TEX14: variants seen among roughly 807,000 people sequenced by gnomAD.
TEX14 encodes testis expressed 14, intercellular bridge forming factor.
TEX14 carries 168 observed loss-of-function variants against 178.6 expected under a neutral mutation model. That is an observed-to-expected ratio of 0.94 (90% CI 0.83 to 1.07). The LOEUF is 1.07. Ranked by LOEUF, TEX14 falls within the 50% of genes least tolerant of loss-of-function variation. The pLI is 0.00. For synonymous variants in TEX14, 626 were observed against 634.1 expected (o/e 0.99, Z 0.19); for missense variants, 1,730 against 1,753.6 (o/e 0.99, Z 0.24).
chr17:58,641,981 G>A (rs2046586613), intron 2 of TEX14, among the ~76,000 whole-genome samples: 1 of 152,132 alleles, frequency 6.6e-6, no homozygotes, highest in Non-Finnish European at 1.5e-5. Flanking sequence ...GTTCTTTCTG[G>A]TAAGCCGAAG....
At chr17:58,588,146 C>A in intron 15 of TEX14, 125 bp from the exon 16 acceptor site, 1 of 615,492 alleles carries the variant, frequency 1.6e-6, no homozygotes, top group Non-Finnish European at 2.9e-6. Flanking sequence ...GCAGTTGAAG[C>A]GCAGTTTCAC....
chr17:58,570,450 G>C lies in TEX14; in HGVS notation c.3752C>G (p.Pro1251Arg), dbSNP rs778444647. 1 of 1,524,026 alleles carries C rather than the reference G, an allele frequency of 6.6e-7. No homozygotes were observed. Among genetic ancestry groups the C allele is most frequent in the Non-Finnish European group, 8.7e-7 (1 of 1,148,574 alleles). 94.4% of individuals were successfully genotyped at this position (1,524,026 alleles called of 1,614,324 possible). ...TGAGTCACATGCCTTAACAAGGCTG[G>C]GGGATCCAGCCCCAATAAATGAAGA... ...RLSSFIGAGSPSLVKACDSSP... is the reference protein window; with the variant it reads ...RLSSFIGAGSRSLVKACDSSP... Residue 1251 changes from proline to arginine, a missense_variant, in exon 25 of 32, where the codon CCC (proline) becomes CGC (arginine). Transcript: ENST00000349033.
intron 1 of TEX14, among the ~76,000 whole-genome samples, chr17:58,690,364 C>T (rs1023542224): frequency 7.2e-5 from 11 of 152,048 alleles, no homozygotes; most frequent in Admixed American, 3.3e-4. Flanking sequence ...TGGGGTTTTG[C>T]CCTGTTGCCC....
intron 2 of TEX14, chr17:58,631,652 T>C (rs151241519): frequency 3.4e-5 from 5 of 148,194 alleles, no homozygotes; most frequent in Non-Finnish European, 7.4e-5. Flanking sequence ...CTACTCAGAC[T>C]GCCTTCTCTA....
intron 2 of TEX14, among the ~76,000 whole-genome samples, chr17:58,646,311 C>T (rs916937995): frequency 8.5e-5 from 13 of 152,192 alleles, no homozygotes; most frequent in African/African-American, 3.1e-4. Flanking sequence ...GGAGTTTTTA[C>T]ATCGAACCAA....
Position 58,597,465 on chromosome 17 carries a change from T to C in TEX14, c.2469+1411A>G, listed in dbSNP as rs183069659. On this transcript the variant is annotated intron_variant, in intron 14 of 31. Transcript: ENST00000349033. ...TCTTAAGCGGAGAATTCTAAAACAG[T>C]AACAAAACCCAGTAAAAGTTGGCCT... Among the ~76,000 whole-genome samples, 9 of 152,140 alleles carry C rather than the reference T, an allele frequency of 5.9e-5. No homozygotes were observed. In the East Asian group the frequency reaches 1.7e-3, roughly 29 times the overall value.
intron 28 of TEX14, among the ~76,000 whole-genome samples, chr17:58,563,644 TATATATATATATATAGAGAGAGAG>T (rs1472408708): frequency 6.2e-5 from 2 of 32,460 alleles, no homozygotes; most frequent in African/African-American, 3.0e-4. Context: ...TATATATATA[TATATATATATATATAGAGAGAGAG>T]AGAGAGAGAG....
chr17:58,595,544 C>G (rs746923912), intron 14 of TEX14, among the ~76,000 whole-genome samples: 1 of 152,230 alleles, frequency 6.6e-6, no homozygotes, highest in Non-Finnish European at 1.5e-5. Context: ...GTGGTTTTAG[C>G]TTTCACTTGC....
intron 13 of TEX14, among the ~76,000 whole-genome samples, chr17:58,601,498 G>C (rs2045442347): frequency 6.6e-6 from 1 of 150,614 alleles, no homozygotes; most frequent in Non-Finnish European, 1.5e-5. Context: ...CTCCAGCCTG[G>C]GCAACAGAGC....
intron 1 of TEX14, chr17:58,666,647 C>T (rs2047216513): frequency 6.6e-6 from 1 of 152,110 alleles, no homozygotes; most frequent in African/African-American, 2.4e-5. Context: ...AAGCCACACA[C>T]AGGGAAAAAC....
chr17:58,671,990 G>A (rs1008695214), intron 1 of TEX14, among the ~76,000 whole-genome samples: 1 of 152,108 alleles, frequency 6.6e-6, no homozygotes, highest in African/African-American at 2.4e-5. Flanking sequence ...TTTCATGGAA[G>A]ACAATTTTCC....
chr17:58,635,241 A>G (rs1360745691), intron 2 of TEX14, among the ~76,000 whole-genome samples: 1 of 152,176 alleles, frequency 6.6e-6, no homozygotes, highest in East Asian at 1.9e-4. Flanking sequence ...ATCCATACAC[A>G]TGTAGCAGTC....
At chr17:58,636,320 C>T (rs148990980) in intron 2 of TEX14, among the ~76,000 whole-genome samples, 1 of 152,308 alleles carries the variant, frequency 6.6e-6, no homozygotes, top group East Asian at 1.9e-4. Flanking sequence ...GGTACAAAGA[C>T]TGGCCGAAAA....
chr17:58,611,855 C>T (rs2045753492), intron 9 of TEX14, among the ~76,000 whole-genome samples: 1 of 152,144 alleles, frequency 6.6e-6, no homozygotes, highest in Non-Finnish European at 1.5e-5. Context: ...CTTAATGGGT[C>T]TCTCCCCCAG....
chr17:58,664,274 C>A (rs1444952688), intron 1 of TEX14, among the ~76,000 whole-genome samples: 1 of 152,174 alleles, frequency 6.6e-6, no homozygotes, highest in Non-Finnish European at 1.5e-5. Flanking sequence ...GCCAGGCTGA[C>A]CACAGCTCTG....
chr17:58,602,642 G>A lies in TEX14; in HGVS notation c.1337-52C>T, dbSNP rs578093558. ...GTAAATTAGGAAACCAAAGAGTGGA[G>A]TGGGGGGAAAAGAAATCAGATGAAG... is the stretch of plus-strand genomic sequence containing the variant. On this transcript the variant is annotated intron_variant, in intron 11 of 31. Transcript: ENST00000349033. The A allele has an allele frequency of 1.9e-5, 28 of 1,464,406 alleles. No homozygotes were observed. In the Admixed American group the frequency reaches 3.6e-4, roughly 19 times the overall value. 90.7% of individuals were successfully genotyped at this position (1,464,406 alleles called of 1,614,324 possible). A position where few individuals can be genotyped will look rare whatever the true frequency, so the allele number is the denominator to read the frequency against.
chr17:58,617,378 A>G (rs1450972511), intron 6 of TEX14, among the ~76,000 whole-genome samples, 160 bp downstream of exon 6: 1 of 152,238 alleles, frequency 6.6e-6, no homozygotes, highest in Non-Finnish European at 1.5e-5. Flanking sequence ...TTAGTAAGAC[A>G]GGAACACTAA....
chr17:58,570,558 C>T (rs2044498393), intron 24 of TEX14, 74 bp from the exon 25 acceptor site: 2 of 1,050,818 alleles, frequency 1.9e-6, no homozygotes, highest in Admixed American at 6.3e-5. Context: ...CAGTCATTTC[C>T]AGTTGTTTTG....
At chr17:58,691,874 G>C (rs1053275531) in intron 1 of TEX14, 65 bp downstream of exon 1, 3 of 152,152 alleles carry the variant, frequency 2.0e-5, no homozygotes, top group Non-Finnish European at 4.4e-5. Flanking sequence ...CTCTTGTGTA[G>C]CCCAGCCCCT....
Sources: allele counts gnomAD v4.1 joint callset (sites outside exome capture counted in the v4.1 genomes callset), GRCh38; gene constraint gnomAD v4.1.1; transcripts MANE v1.5; gene names NCBI Gene and HGNC (gene_info 2026-07-23, HGNC 2026-07-21).